The following NBR1 variants were observed in gnomAD, a reference collection of about 807,000 sequenced individuals.
NBR1 encodes next to BRCA1 gene 1 protein.
NBR1 carries 59 observed loss-of-function variants against 115.5 expected under a neutral mutation model. That is an observed-to-expected ratio of 0.51 (90% confidence interval 0.41 to 0.63). The LOEUF is 0.63. NBR1 is among the 30% of genes least tolerant of loss of function. The probability of loss-of-function intolerance (pLI) is 0.00; values close to 1 mark genes in which losing one functional copy is unlikely to be tolerated. For synonymous variants in NBR1, 373 were observed against 414.7 expected, an observed-to-expected ratio of 0.90 and a Z score of 1.22; for missense variants, 1,043 against 1,150.5, an observed-to-expected ratio of 0.91 and a Z score of 1.35.
intron 20 of NBR1, 146 bp downstream of exon 20, chr17:43,203,932 C>A: frequency 2.4e-6 from 1 of 422,010 alleles, no homozygotes; most frequent in Non-Finnish European, 4.1e-6. Flanking sequence ...CAACACAACT[C>A]TGCCACTTTT....
At chr17:43,189,844 A>G in intron 8 of NBR1, 42 bp downstream of exon 8, 1 of 1,539,106 alleles carries the variant, frequency 6.5e-7, no homozygotes, top group Non-Finnish European at 8.9e-7. Context: ...GATAGACCTT[A>G]CAGCTTTTAC....
At chr17:43,188,015 C>T (rs1453158359) in intron 6 of NBR1, among the ~76,000 whole-genome samples, 3 of 150,906 alleles carry the variant, frequency 2.0e-5, no homozygotes, top group South Asian at 2.1e-4. Context: ...CTCAGCCTCT[C>T]GAGTAGCTGG....
intron 10 of NBR1, among the ~76,000 whole-genome samples, chr17:43,192,020 CTTTT>C (rs34920601): frequency 9.3e-6 from 1 of 107,550 alleles, no homozygotes; most frequent in Non-Finnish European, 1.7e-5. Flanking sequence ...CAGCACCCGG[CTTTT>C]TTTTTTTTTT....
At position 43,196,473 on chromosome 17, in the gene NBR1, T is replaced by C. The variant is rs373680392; in HGVS notation, c.1751-8T>C. On this transcript the variant is annotated splice_region_variant and splice_polypyrimidine_tract_variant and intron_variant, in intron 14 of 20. Coordinates refer to ENST00000590996, the MANE Select transcript of NBR1 (RefSeq NM_005899.5). ...TTGATTGATGGTTCTCCTGTCTTCA[T>C]TCTCCAGATGTGACTCCCTGCATGT... 71 of 1,519,828 alleles carry C rather than the reference T, an allele frequency of 4.7e-5. No individual in the cohort carries two copies. The highest frequency in any genetic ancestry group is 5.9e-5 in the Non-Finnish European group (66 of 1,126,934). The allele number at this position is 1,519,828 out of a possible 1,614,324, so 94.1% of individuals were successfully genotyped here.
At chr17:43,175,555 G>A (rs534472193) in intron 1 of NBR1, among the ~76,000 whole-genome samples, 39 of 152,284 alleles carry the variant, frequency 2.6e-4, no homozygotes, top group African/African-American at 9.1e-4. Flanking sequence ...TGTGACTTAA[G>A]TACAAGTCTT....
At chr17:43,206,731 G>C (rs2057325459) in intron 20 of NBR1, among the ~76,000 whole-genome samples, 1 of 151,776 alleles carries the variant, frequency 6.6e-6, no homozygotes, top group South Asian at 2.1e-4. Flanking sequence ...ATTAAGAGAT[G>C]GAAATGGCAT....
At chr17:43,190,340 G>C (rs2056913821) in intron 8 of NBR1, 2 of 437,648 alleles carry the variant, frequency 4.6e-6, no homozygotes, top group South Asian at 4.2e-5. Flanking sequence ...CCAAAGTGCT[G>C]GGATTACAGA....
At chr17:43,187,981 C>T (rs1312251815) in intron 6 of NBR1, among the ~76,000 whole-genome samples, 1 of 150,008 alleles carries the variant, frequency 6.7e-6, no homozygotes, top group African/African-American at 2.5e-5. Flanking sequence ...AGCTCTGTCT[C>T]CCGGGTTCAC....
intron 18 of NBR1, 88 bp from the exon 19 acceptor site, chr17:43,202,567 A>C (rs557772637): frequency 2.3e-6 from 2 of 857,562 alleles, no homozygotes; most frequent in Non-Finnish European, 1.8e-6. Flanking sequence ...TCAGATTGCC[A>C]CCTGCCTCAA....
At chr17:43,204,948 C>T (rs988087713) in intron 20 of NBR1, among the ~76,000 whole-genome samples, 2 of 152,024 alleles carry the variant, frequency 1.3e-5, no homozygotes, top group South Asian at 4.1e-4. Flanking sequence ...TGCACTCCAG[C>T]TTGGGTGACT....
chr17:43,184,356 G>A lies in NBR1; in HGVS notation c.208-1894G>A, dbSNP rs919791702. Among the ~76,000 whole-genome samples the A allele has an allele frequency of 1.1e-4, 10 of 91,812 alleles. No homozygotes were observed. In the South Asian group the frequency reaches 2.9e-3, roughly 26 times the overall value. The allele number at this position is 91,812 out of a possible 152,430, so 60.2% of individuals were successfully genotyped here. A position where few individuals can be genotyped will look rare whatever the true frequency, so the allele number is the denominator to read the frequency against. On this transcript the variant is annotated intron_variant, in intron 5 of 20. Coordinates refer to ENST00000590996, the MANE Select transcript of NBR1 (RefSeq NM_005899.5). ...TTACAGGCATGACCCACCTCTCATCGCCCCAAAATACTATTCTTTTTTTTT... is the reference window on the plus strand; with the variant it reads ...TTACAGGCATGACCCACCTCTCATCACCCCAAAATACTATTCTTTTTTTTT...
chr17:43,194,278 G>T, intron 12 of NBR1, 72 bp from the exon 13 acceptor site: 8 of 1,341,736 alleles, frequency 6.0e-6, no homozygotes, highest in South Asian at 1.5e-5. Flanking sequence ...TTTTATTTTT[G>T]GGGGCATTGT....
chr17:43,201,789 C>A lies in NBR1; in HGVS notation c.2563+9C>A, dbSNP rs2306829. The A allele has an allele frequency of 6.7e-7, 1 of 1,489,654 alleles. No homozygotes were observed. The highest frequency in any genetic ancestry group is 9.4e-7 in the Non-Finnish European group (1 of 1,067,432). The allele number at this position is 1,489,654 out of a possible 1,614,324, so 92.3% of individuals were successfully genotyped here. A position where few individuals can be genotyped will look rare whatever the true frequency, so the allele number is the denominator to read the frequency against. ...TGATCAGATCAGAGGAGGTAATGAT[C>A]AGCCTAAGCTTTTTCTCTTTTTCTC... On this transcript the variant is annotated intron_variant, in intron 18 of 20. Transcript: ENST00000590996.
At chr17:43,175,414 A>G (rs1462688108) in intron 1 of NBR1, among the ~76,000 whole-genome samples, 1 of 152,252 alleles carries the variant, frequency 6.6e-6, no homozygotes, top group Non-Finnish European at 1.5e-5. Context: ...GTCATCATAA[A>G]GTACCGTAAG....
At chr17:43,203,998 C>G (rs941238049) in intron 20 of NBR1, among the ~76,000 whole-genome samples, 2 of 148,754 alleles carry the variant, frequency 1.3e-5, no homozygotes, top group East Asian at 4.0e-4. Flanking sequence ...GGTGCAGTGG[C>G]GCGATCTCGG....
intron 12 of NBR1, 54 bp from the exon 13 acceptor site, chr17:43,194,296 C>T (rs1349959803): frequency 2.0e-6 from 3 of 1,484,424 alleles, no homozygotes; most frequent in African/African-American, 2.8e-5. Context: ...TGTCAGCCTG[C>T]CTCTTCAGTT....
chr17:43,186,869 G>A (rs796177696), intron 6 of NBR1, among the ~76,000 whole-genome samples: 26 of 152,238 alleles, frequency 1.7e-4, no homozygotes, highest in African/African-American at 5.1e-4. Flanking sequence ...TTATGGCTGC[G>A]TATTATTCCA....
At chr17:43,191,835 C>T (rs1348216003) in intron 10 of NBR1, among the ~76,000 whole-genome samples, 1 of 152,138 alleles carries the variant, frequency 6.6e-6, no homozygotes, top group Non-Finnish European at 1.5e-5. Context: ...ATTCTCCTGC[C>T]TCAGCCTCCT....
intron 1 of NBR1, among the ~76,000 whole-genome samples, chr17:43,172,449 G>A (rs2056400641): frequency 6.6e-6 from 1 of 152,210 alleles, no homozygotes; most frequent in African/African-American, 2.4e-5. Context: ...CACAAGTAGG[G>A]AAGTGTGTTT....
Sources: allele counts gnomAD v4.1 joint callset (sites outside exome capture counted in the v4.1 genomes callset), GRCh38; gene constraint gnomAD v4.1.1; transcripts MANE v1.5; gene names NCBI Gene and HGNC (gene_info 2026-07-23, HGNC 2026-07-21).